Variants in ELMO1 observed in about 807,000 individuals in gnomAD.
The protein encoded by ELMO1 is engulfment and cell motility 1.
In ELMO1, 26 loss-of-function variants were observed where a neutral mutation model predicts 98.9. That is an observed-to-expected ratio of 0.26 (90% CI 0.19 to 0.36). The LOEUF (loss-of-function observed/expected upper bound fraction) is 0.36. Among genes scored for constraint, ELMO1 ranks in the 10% least tolerant of loss-of-function variants. The pLI, the probability that ELMO1 is intolerant of heterozygous loss-of-function variation, is 1.00. For missense variants in ELMO1, 627 were observed against 935.2 expected (o/e 0.67, Z 4.30); for synonymous variants, 346 against 346.0 (o/e 1.00, Z 0.00).
At chr7:37,272,110 CA>C (rs533816737) in intron 4 of ELMO1, among the ~76,000 whole-genome samples, 1 of 151,986 alleles carries the variant, frequency 6.6e-6, no homozygotes, top group East Asian at 1.9e-4. Context: ...GTATAGCAAA[CA>C]AAAAAAGTAA....
intron 16 of ELMO1, among the ~76,000 whole-genome samples, chr7:36,926,768 C>A (rs1232818427): frequency 6.6e-6 from 1 of 152,222 alleles, no homozygotes; most frequent in Non-Finnish European, 1.5e-5. Flanking sequence ...ATTGCTGAAG[C>A]TCAGAGGCCT....
chr7:37,093,177 GT>G (rs11298858), intron 15 of ELMO1, among the ~76,000 whole-genome samples: 7,480 of 140,726 alleles, frequency 0.053, 401 homozygotes, highest in African/African-American at 0.16. Context: ...AAATAGTGCT[GT>G]TTTTTTTTTT....
At chr7:37,023,998 G>A (rs1260430211) in intron 15 of ELMO1, among the ~76,000 whole-genome samples, 1 of 152,148 alleles carries the variant, frequency 6.6e-6, no homozygotes, top group African/African-American at 2.4e-5. Flanking sequence ...AGTGTTGCAC[G>A]TTTCTTTCAA....
chr7:36,956,262 G>T (rs1788434969), intron 16 of ELMO1, among the ~76,000 whole-genome samples: 1 of 152,074 alleles, frequency 6.6e-6, no homozygotes, highest in African/African-American at 2.4e-5. Flanking sequence ...CCTGCCATGG[G>T]ACTACAGCCT....
chr7:37,237,472 T>C (rs985915706), intron 7 of ELMO1, among the ~76,000 whole-genome samples: 4 of 152,020 alleles, frequency 2.6e-5, no homozygotes, highest in South Asian at 2.1e-4. Flanking sequence ...GTATTTTTAG[T>C]AGAGAAGGGG....
chr7:37,177,150 A>C (rs1790540991), intron 13 of ELMO1, among the ~76,000 whole-genome samples: 1 of 152,250 alleles, frequency 6.6e-6, no homozygotes, highest in Non-Finnish European at 1.5e-5. Context: ...TGAGAACTCT[A>C]AACATAGCAT....
intron 16 of ELMO1, among the ~76,000 whole-genome samples, chr7:37,011,837 C>T (rs1186759213): frequency 1.3e-5 from 2 of 152,206 alleles, no homozygotes; most frequent in Non-Finnish European, 2.9e-5. Context: ...ACAAAGGCCT[C>T]CCTGCTCCTC....
At chr7:36,958,527 A>G (rs929264146) in intron 16 of ELMO1, among the ~76,000 whole-genome samples, 10 of 152,206 alleles carry the variant, frequency 6.6e-5, no homozygotes, top group Non-Finnish European at 1.3e-4. Context: ...AAAAGCAATC[A>G]TAAGATAACT....
intron 13 of ELMO1, among the ~76,000 whole-genome samples, chr7:37,194,446 T>C (rs1373470501): frequency 6.6e-6 from 1 of 152,236 alleles, no homozygotes; most frequent in East Asian, 1.9e-4. Context: ...TCTCCCTTTC[T>C]ATTCCCCTTC....
In ELMO1 at chr7:37,046,664, G is replaced by A. The variant is rs746447859; in HGVS notation, c.1301-33229C>T. Among the ~76,000 whole-genome samples, 21 of 152,294 alleles carry A rather than the reference G, an allele frequency of 1.4e-4. 1 individual carries two copies. The South Asian group carries it at 2.3e-3, about 17-fold the overall frequency. ...TCAAAGAATGAAGGAAATGTCTGCCGTTAATCTTAATTCTCTGAAACTCAT... is the reference window on the plus strand; with the variant it reads ...TCAAAGAATGAAGGAAATGTCTGCCATTAATCTTAATTCTCTGAAACTCAT... On this transcript the variant is annotated intron_variant, in intron 15 of 21. Coordinates refer to ENST00000310758, the MANE Select transcript of ELMO1 (RefSeq NM_014800.11).
At chr7:37,067,728 T>A (rs956311932) in intron 15 of ELMO1, among the ~76,000 whole-genome samples, 1 of 152,124 alleles carries the variant, frequency 6.6e-6, no homozygotes, top group Non-Finnish European at 1.5e-5. Flanking sequence ...GAAACTCACA[T>A]AATCTTTCTT....
intron 15 of ELMO1, among the ~76,000 whole-genome samples, chr7:37,062,702 A>G (rs1796730412): frequency 6.6e-6 from 1 of 152,222 alleles, no homozygotes; most frequent in Admixed American, 6.5e-5. Flanking sequence ...TCCCATAGCA[A>G]CTGCAGCTTG....
chr7:37,075,049 C>T (rs745688557), intron 15 of ELMO1, among the ~76,000 whole-genome samples: 4 of 152,114 alleles, frequency 2.6e-5, no homozygotes, highest in South Asian at 4.1e-4. Context: ...AAGATGTCCA[C>T]GAGCAATAAA....
At chr7:37,440,581 C>A (rs1805372145) in intron 1 of ELMO1, among the ~76,000 whole-genome samples, 1 of 151,824 alleles carries the variant, frequency 6.6e-6, no homozygotes, top group Non-Finnish European at 1.5e-5. Context: ...CAAGCCTGAC[C>A]AACATGGTGA....
At chr7:37,178,195 G>T (rs189511316) in intron 13 of ELMO1, among the ~76,000 whole-genome samples, 25 of 152,136 alleles carry the variant, frequency 1.6e-4, no homozygotes, top group Non-Finnish European at 1.0e-4. Flanking sequence ...AGTGCCACGT[G>T]GCTGGGGAGG....
intron 13 of ELMO1, among the ~76,000 whole-genome samples, chr7:37,177,532 CT>C (rs1464955715): frequency 6.6e-6 from 1 of 152,036 alleles, no homozygotes; most frequent in African/African-American, 2.4e-5. Context: ...CAAAAGTGAC[CT>C]TCCTTCTAAA....
intron 13 of ELMO1, among the ~76,000 whole-genome samples, chr7:37,162,127 A>G (rs1038281802): frequency 1.3e-5 from 2 of 151,242 alleles, no homozygotes; most frequent in African/African-American, 2.4e-5. Context: ...GATACACTCA[A>G]TTCCTTCCTA....
intron 14 of ELMO1, chr7:37,116,917 G>C: frequency 4.8e-6 from 1 of 210,336 alleles, no homozygotes; most frequent in Non-Finnish European, 1.0e-5. Flanking sequence ...AAGAAGCTCC[G>C]CAACAAGAGG....
At chr7:37,366,229 A>C (rs1025904477) in intron 1 of ELMO1, among the ~76,000 whole-genome samples, 6 of 152,192 alleles carry the variant, frequency 3.9e-5, no homozygotes, top group Non-Finnish European at 7.3e-5. Flanking sequence ...CGGTGGTCTC[A>C]AAAGAATATC....
Sources: gnomAD v4.1 joint callset for allele counts (sites outside exome capture counted in the v4.1 genomes callset) on GRCh38, gnomAD v4.1.1 for gene constraint, MANE v1.5 for transcripts, NCBI Gene and HGNC (gene_info 2026-07-23, HGNC 2026-07-21) for gene names.